Variants in AFF3 observed in about 807,000 individuals in gnomAD.
AFF3 encodes AF4/FMR2 family member 3.
Under a neutral mutation model 129.7 loss-of-function variants are expected in AFF3, and 32 were observed. The observed-to-expected ratio is 0.25, with a 90% CI of 0.19 to 0.33. AFF3 has a LOEUF of 0.33. Ranked by LOEUF, AFF3 falls within the 10% of genes least tolerant of loss-of-function variation. The pLI is 1.00. For synonymous variants in AFF3, 644 were observed against 635.4 expected (o/e 1.01, Z -0.20); for missense variants, 1,373 against 1,592.0 (o/e 0.86, Z 2.34).
At chr2:100,076,620 A>T (rs746012357) in intron 4 of AFF3, among the ~76,000 whole-genome samples, 2 of 152,188 alleles carry the variant, frequency 1.3e-5, no homozygotes, top group Non-Finnish European at 2.9e-5. Flanking sequence ...GAGGACACTG[A>T]GGTTGACTCC....
intron 7 of AFF3, among the ~76,000 whole-genome samples, chr2:99,911,019 T>C (rs1263293402): frequency 6.6e-6 from 1 of 152,220 alleles, no homozygotes; most frequent in Non-Finnish European, 1.5e-5. Flanking sequence ...AGCTTTTACA[T>C]AAATGCTAAG....
chr2:99,846,793 G>C (rs1689758733), intron 7 of AFF3, among the ~76,000 whole-genome samples: 1 of 152,202 alleles, frequency 6.6e-6, no homozygotes, highest in African/African-American at 2.4e-5. Context: ...TTTGCTAAAA[G>C]AGCAGACTCA....
At chr2:99,639,029 T>C (rs1246671898) in intron 13 of AFF3, among the ~76,000 whole-genome samples, 1 of 152,174 alleles carries the variant, frequency 6.6e-6, no homozygotes, top group Admixed American at 6.5e-5. Context: ...TGTGGCCTCC[T>C]TACCAGACAT....
intron 11 of AFF3, among the ~76,000 whole-genome samples, chr2:99,712,278 C>G (rs916803341): frequency 1.3e-5 from 2 of 152,234 alleles, no homozygotes; most frequent in Non-Finnish European, 1.5e-5. Context: ...CTAGTCGCCT[C>G]TTGGCAGCGT....
At chr2:100,112,088 C>T (rs534066741) in intron 2 of AFF3, among the ~76,000 whole-genome samples, 1 of 152,354 alleles carries the variant, frequency 6.6e-6, no homozygotes, top group East Asian at 1.9e-4. Flanking sequence ...TGCTGAACTC[C>T]TTCTATTGGT....
At position 99,847,376 on chromosome 2, in the gene AFF3, A is replaced by G. The variant is rs571515726; in HGVS notation, c.874-9852T>C. Among the ~76,000 whole-genome samples the G allele has an allele frequency of 8.6e-5, 13 of 151,580 alleles. No homozygotes were observed. In the East Asian group the frequency reaches 2.6e-3, roughly 30 times the overall value. ...TTTTCAGGAGAAACGGGGTTTCGCC[A>G]TGTTGGCCAGGCTGGTCTCGAACTC... On this transcript the variant is annotated intron_variant, in intron 7 of 24. Coordinates refer to ENST00000672756, the MANE Select transcript of AFF3 (RefSeq NM_001386135.1).
intron 16 of AFF3, among the ~76,000 whole-genome samples, chr2:99,584,339 A>G (rs1191682748): frequency 6.6e-6 from 1 of 152,122 alleles, no homozygotes; most frequent in Non-Finnish European, 1.5e-5. Context: ...GTGGTGGCGC[A>G]TGCCTGTAAT....
At chr2:99,683,201 T>C (rs1674692451) in intron 11 of AFF3, among the ~76,000 whole-genome samples, 1 of 152,212 alleles carries the variant, frequency 6.6e-6, no homozygotes, top group Admixed American at 6.5e-5. Flanking sequence ...CCAGATGCTG[T>C]ACCTCATGCT....
chr2:99,595,097 G>C (rs1013006952), intron 14 of AFF3, among the ~76,000 whole-genome samples: 11 of 152,164 alleles, frequency 7.2e-5, no homozygotes, highest in African/African-American at 2.4e-4. Flanking sequence ...AAATGGATGG[G>C]AAATGTGTAG....
chr2:99,852,853 T>C (rs1428616242), intron 7 of AFF3, among the ~76,000 whole-genome samples: 1 of 152,152 alleles, frequency 6.6e-6, no homozygotes, highest in Non-Finnish European at 1.5e-5. Context: ...ATATTAATCA[T>C]AATAGGTGTA....
At chr2:99,682,369 T>C (rs781777383) in intron 11 of AFF3, among the ~76,000 whole-genome samples, 2 of 152,170 alleles carry the variant, frequency 1.3e-5, no homozygotes, top group Non-Finnish European at 2.9e-5. Context: ...CCATCTTCCA[T>C]TGGAATAAGA....
At chr2:99,602,304 A>C (rs370082777) in intron 13 of AFF3, among the ~76,000 whole-genome samples, 24 of 152,266 alleles carry the variant, frequency 1.6e-4, no homozygotes, top group African/African-American at 5.5e-4. Flanking sequence ...TCACTGACAC[A>C]CTTTCGTATA....
At position 99,593,990 on chromosome 2, in the gene AFF3, C is replaced by T. The variant is rs1255552567; in HGVS notation, c.1671G>A (p.Ala557=). 7.8e-6 allele frequency: 12 copies of T among 1,531,254 alleles called. No individual in the cohort carries two copies. Among genetic ancestry groups the T allele is most frequent in the African/African-American group, 1.4e-5 (1 of 72,130 alleles). 94.9% of individuals were successfully genotyped at this position (1,531,254 alleles called of 1,614,324 possible). ...QKSPPAAVAV[A]VSAAAPPPAV... ...CGGGTGGCGGGGCGGCTGCGCTCAC[C>T]GCCACGGCCACGGCCGCGGGCGGGG... is the stretch of plus-strand genomic sequence containing the variant. The change falls in exon 15 of 25, where the codon GCG becomes GCA. Residue 557 remains alanine (A), a synonymous_variant. Coordinates refer to ENST00000672756, the MANE Select transcript of AFF3 (RefSeq NM_001386135.1).
chr2:99,865,067 G>A (rs1258976751), intron 7 of AFF3, among the ~76,000 whole-genome samples: 1 of 152,206 alleles, frequency 6.6e-6, no homozygotes, highest in East Asian at 1.9e-4. Context: ...AACACTCAGT[G>A]TATTTGCTGA....
intron 13 of AFF3, among the ~76,000 whole-genome samples, chr2:99,633,278 C>T (rs1232056199): frequency 6.6e-6 from 1 of 152,068 alleles, no homozygotes; most frequent in Non-Finnish European, 1.5e-5. Context: ...GTTTGCTGTC[C>T]ATGGAAGGCA....
intron 7 of AFF3, among the ~76,000 whole-genome samples, chr2:99,917,988 G>A (rs1695589810): frequency 6.6e-6 from 1 of 152,062 alleles, no homozygotes; most frequent in Non-Finnish European, 1.5e-5. Context: ...GGCCTGAATG[G>A]TAATATGCTA....
intron 7 of AFF3, among the ~76,000 whole-genome samples, chr2:99,870,438 C>T (rs1235690160): frequency 6.6e-6 from 1 of 152,220 alleles, no homozygotes; most frequent in Non-Finnish European, 1.5e-5. Context: ...CCTCTTCCAT[C>T]ATGTGTGAAA....
intron 11 of AFF3, among the ~76,000 whole-genome samples, chr2:99,689,254 T>A (rs563551379): frequency 8.5e-5 from 13 of 152,256 alleles, no homozygotes; most frequent in Admixed American, 5.2e-4. Flanking sequence ...CTTCTTAGGG[T>A]AGACAAGGCT....
intron 7 of AFF3, among the ~76,000 whole-genome samples, chr2:99,988,706 A>G (rs1680085761): frequency 6.6e-6 from 1 of 152,146 alleles, no homozygotes; most frequent in African/African-American, 2.4e-5. Flanking sequence ...TTTAACTTGG[A>G]CACCATTTTT....
Sources: allele counts gnomAD v4.1 joint callset (sites outside exome capture counted in the v4.1 genomes callset), GRCh38; gene constraint gnomAD v4.1.1; transcripts MANE v1.5; gene names NCBI Gene and HGNC (gene_info 2026-07-23, HGNC 2026-07-21).